Variants in SALL1 observed in about 807,000 individuals in gnomAD.
SALL1 encodes spalt like transcription factor 1.
A neutral mutation model predicts 73.1 loss-of-function variants in SALL1; 10 were observed. The ratio of observed to expected loss-of-function variants is 0.14; its 90% CI spans 0.08 to 0.23. The LOEUF (loss-of-function observed/expected upper bound fraction) is 0.23. SALL1 is among the 10% of genes least tolerant of loss of function. SALL1 has a pLI of 1.00. For synonymous variants in SALL1, 688 were observed against 689.8 expected (o/e 1.00, Z 0.04); for missense variants, 1,520 against 1,697.3 (o/e 0.90, Z 1.84).
At chr16:51,143,780 C>T (rs1404568901) in intron 1 of SALL1, among the ~76,000 whole-genome samples, 1 of 152,166 alleles carries the variant, frequency 6.6e-6, no homozygotes, top group South Asian at 2.1e-4. Flanking sequence ...GTATGCCAAA[C>T]GTACGCACAC....
intron 1 of SALL1, among the ~76,000 whole-genome samples, chr16:51,147,379 A>G (rs1048100786): frequency 6.6e-6 from 1 of 152,228 alleles, no homozygotes; most frequent in African/African-American, 2.4e-5. Context: ...AGAATCTTCC[A>G]TTATGACAAA....
At chr16:51,150,181 C>T (rs1438848830) in intron 1 of SALL1, among the ~76,000 whole-genome samples, 3 of 152,218 alleles carry the variant, frequency 2.0e-5, no homozygotes, top group East Asian at 1.9e-4. Flanking sequence ...ATAGCCCCCA[C>T]ACACAAACTT....
At position 51,140,593 on chromosome 16, in the gene SALL1, G is replaced by A; in HGVS notation, c.1629C>T (p.Asp543=). 5 of 1,614,100 alleles carry A rather than the reference G, an allele frequency of 3.1e-6. No individual in the cohort carries two copies. The highest frequency in any genetic ancestry group is 4.2e-6 in the Non-Finnish European group (5 of 1,179,978). Residue 543 remains aspartate, a synonymous_variant, in exon 2 of 3, where the codon GAC becomes GAT. Transcript: ENST00000251020. This position sits in a 1 kb window ranked among gnomAD's most constrained non-coding sequence, Gnocchi z 5.7. ...TCAGAGTAGGCAGGACTGGTTTGGTGTCTAGCCAGCTGGTGACTGGCTTCT... is the reference window on the plus strand; with the variant it reads ...TCAGAGTAGGCAGGACTGGTTTGGTATCTAGCCAGCTGGTGACTGGCTTCT... ...PPEKPVTSWL[D]TKPVLPTLTT... is the part of the protein sequence containing the mutation.
intron 2 of SALL1, 33 bp from the exon 3 acceptor site, chr16:51,137,585 AG>A (rs748022804): frequency 2.0e-6 from 3 of 1,466,732 alleles, no homozygotes; most frequent in Non-Finnish European, 9.5e-7. Context: ...AGAGAGACAG[AG>A]AGAGAGAGAG....
upstream of SALL1, among the ~76,000 whole-genome samples, chr16:51,151,661 G>A (rs542479751): frequency 1.3e-5 from 2 of 151,118 alleles, no homozygotes; most frequent in Non-Finnish European, 3.0e-5. Flanking sequence ...GCCGGGGGCC[G>A]GCCTCCTCTC....
At chr16:51,150,314 CTA>C in intron 1 of SALL1, 1 of 816,224 alleles carries the variant, frequency 1.2e-6, no homozygotes. Context: ...GAAAACTATT[CTA>C]TGACTTCTTC....
intron 1 of SALL1, among the ~76,000 whole-genome samples, chr16:51,143,744 C>T (rs925973128): frequency 6.6e-6 from 1 of 152,048 alleles, no homozygotes; most frequent in Non-Finnish European, 1.5e-5. Flanking sequence ...TGAGTGATGC[C>T]GAAGTTGATT....
chr16:51,141,744 C>G lies in SALL1; in HGVS notation c.478G>C (p.Gly160Arg). 2 of 1,579,896 alleles carry G rather than the reference C, an allele frequency of 1.3e-6. No individual in the cohort carries two copies. The highest frequency in any genetic ancestry group is 2.3e-5 in the South Asian group (2 of 88,716). The change falls in exon 2 of 3, where the codon GGC becomes CGC. Residue 160 changes from glycine (G) to arginine (R), a missense_variant. Transcript: ENST00000251020. The surrounding 1 kb of genome is among the most constrained non-coding windows in gnomAD (Gnocchi z 5.4). ...CCTGTGGAGGAGCTGCCGCCGCCGC[C>G]GCTGCTGCTGCTGCTGCTGCTGCTG... ...SSSSSSSSSSGGGGSSSTGTS... is the reference protein window; with the variant it reads ...SSSSSSSSSSRGGGSSSTGTS...
chr16:51,136,730 A>G lies in SALL1; in HGVS notation c.*382T>C. ...ATCTAATGCATCACTGAGGCATTGC[A>G]TCAACACCAGATTCATATTAAACTG... On this transcript the variant is annotated 3_prime_UTR_variant, in exon 3 of 3. Coordinates refer to ENST00000251020, the MANE Select transcript of SALL1 (RefSeq NM_002968.3). 1 of 288,520 alleles carries G rather than the reference A, an allele frequency of 3.5e-6. No homozygotes were observed. The allele number at this position is 288,520 out of a possible 1,614,324, so 17.9% of individuals were successfully genotyped here.
intron 2 of SALL1, 65 bp downstream of exon 2, chr16:51,138,623 A>C: frequency 6.4e-7 from 1 of 1,557,762 alleles, no homozygotes; most frequent in Non-Finnish European, 8.7e-7. Flanking sequence ...GGCATGCATT[A>C]TAGATAATCA....
At chr16:51,151,771 C>T (rs150519022), upstream of SALL1, among the ~76,000 whole-genome samples, 5,316 of 151,348 alleles carry the variant, frequency 0.035, 145 homozygotes, top group Non-Finnish European at 0.054. Context: ...CGGGCTGGGC[C>T]GACCCAAATT....
chr16:51,137,286 G>A lies in SALL1; in HGVS notation c.3801C>T (p.Leu1267=), dbSNP rs1450033371. Residue 1267 remains leucine (L), a synonymous_variant, in exon 3 of 3, where the codon CTC becomes CTT. Coordinates refer to ENST00000251020, the MANE Select transcript of SALL1 (RefSeq NM_002968.3). ...NGGIPPIPGS[L]GSGNSSPVSG... is the part of the protein sequence containing the mutation. ...TAACAGGTGAGCTGTTCCCACTGCC[G>A]AGGCTTCCAGGAATTGGAGGGATGC... 1.3e-5 allele frequency: 21 copies of A among 1,614,032 alleles called. No individual in the cohort carries two copies. Among genetic ancestry groups the A allele is most frequent in the Middle Eastern group, 3.3e-4 (2 of 6,058 alleles).
chr16:51,142,318 T>G (rs1962456186), intron 1 of SALL1, among the ~76,000 whole-genome samples, 173 bp from the exon 2 acceptor site: 1 of 152,196 alleles, frequency 6.6e-6, no homozygotes, highest in Non-Finnish European at 1.5e-5. Context: ...TGTAAGGGTA[T>G]GGAGGAATTC....
chr16:51,142,060 T>C lies in SALL1; in HGVS notation c.162A>G (p.Glu54=). 6.2e-7 allele frequency: 1 copy of C among 1,614,090 alleles called. No homozygotes were observed. The highest frequency in any genetic ancestry group is 8.5e-7 in the Non-Finnish European group (1 of 1,180,034). The part of the protein sequence containing the change: ...VCGRCCAEFF[E]LSDLLLHKKN... The stretch of plus-strand genomic sequence containing the variant: ...TCTTGTGGAGCAGAAGATCTGATAA[T>C]TCAAAGAACTCGGCACAGCACCGGC... The change falls in exon 2 of 3, where the codon GAA becomes GAG. Residue 54 remains glutamate, a synonymous_variant. Transcript: ENST00000251020.
intron 1 of SALL1, chr16:51,150,952 T>C: frequency 2.4e-6 from 1 of 412,358 alleles, no homozygotes; most frequent in East Asian, 3.6e-5. Flanking sequence ...TGCCGGGAGA[T>C]GTGCTCGCTT....
In SALL1 at chr16:51,141,572, C is replaced by T. The variant is rs1962431470; in HGVS notation, c.650G>A (p.Gly217Asp). Residue 217 changes from glycine to aspartate, a missense_variant, in exon 2 of 3, where the codon GGC becomes GAC. Transcript: ENST00000251020. The surrounding 1 kb of genome is among the most constrained non-coding windows in gnomAD (Gnocchi z 5.4). ...VAQFSQEARC[G>D]GASGGKLAVP... ...GGCCAGCTTGCCCCCAGAGGCCCCGCCGCACCTCGCTTCCTGGGAGAACTG... is the reference window on the plus strand; with the variant it reads ...GGCCAGCTTGCCCCCAGAGGCCCCGTCGCACCTCGCTTCCTGGGAGAACTG... 3.7e-6 allele frequency: 6 copies of T among 1,614,170 alleles called. No individual in the cohort carries two copies. Among genetic ancestry groups the T allele is most frequent in the Non-Finnish European group, 5.1e-6 (6 of 1,180,048 alleles).
rs1962539252 is a variant in SALL1, at chr16:51,147,770, G to T, written c.76+3396C>A. ...AGGAATCTTAAAAACGCCACCAAAG[G>T]AAGAACTCCAACACACACACACACA... is the stretch of plus-strand genomic sequence containing the variant. On this transcript the variant is annotated intron_variant, in intron 1 of 2. Transcript: ENST00000251020. 5.8e-5 allele frequency among the ~76,000 whole-genome samples: 4 copies of T among 69,374 alleles called. No individual in the cohort carries two copies. In the South Asian group the frequency reaches 3.1e-3, roughly 55 times the overall value. The allele number at this position is 69,374 out of a possible 152,430, so 45.5% of individuals were successfully genotyped here.
At chr16:51,148,072 C>T (rs1962544736) in intron 1 of SALL1, among the ~76,000 whole-genome samples, 1 of 152,212 alleles carries the variant, frequency 6.6e-6, no homozygotes, top group African/African-American at 2.4e-5. Context: ...TCTGGCATAG[C>T]AGCTGTACAC....
rs865929089 is a variant in SALL1, at chr16:51,137,474, A to G, written c.3613T>C (p.Phe1205Leu). The stretch of plus-strand genomic sequence containing the variant: ...AACTTGACGGGATTGCCTCCTAGAA[A>G]TGTCATGGGGCCATCCACAGAGAGC... ...RRLSVDGPMT[F>L]LGGNPVKFPE... is the part of the protein sequence containing the mutation. The change falls in exon 3 of 3, where the codon TTT (phenylalanine) becomes CTT (leucine). Residue 1205 changes from phenylalanine (F) to leucine (L), a missense_variant. Coordinates refer to ENST00000251020, the MANE Select transcript of SALL1 (RefSeq NM_002968.3). The G allele has an allele frequency of 6.2e-7, 1 of 1,613,966 alleles. No individual in the cohort carries two copies. The highest frequency in any genetic ancestry group is 2.2e-5 in the East Asian group (1 of 44,866).
Sources: allele counts gnomAD v4.1 joint callset (sites outside exome capture counted in the v4.1 genomes callset), GRCh38; gene constraint gnomAD v4.1.1; non-coding constraint Gnocchi (gnomAD v3.1); transcripts MANE v1.5; gene names NCBI Gene and HGNC (gene_info 2026-07-23, HGNC 2026-07-21).